DENND6A: variants seen among roughly 807,000 people sequenced by gnomAD.
The protein encoded by DENND6A is DENN domain containing 6A.
A neutral mutation model predicts 95.5 loss-of-function variants in DENND6A; 43 were observed. That is an observed-to-expected ratio of 0.45 (90% CI 0.35 to 0.58). The LOEUF is 0.58. DENND6A is among the 20% of genes least tolerant of loss of function. The pLI, the probability that DENND6A is intolerant of heterozygous loss-of-function variation, is 0.00. For synonymous variants in DENND6A, 257 were observed against 260.4 expected (o/e 0.99, Z 0.13); for missense variants, 574 against 736.0 (o/e 0.78, Z 2.55).
At chr3:57,682,236 G>T (rs1287513410) in intron 1 of DENND6A, among the ~76,000 whole-genome samples, 1 of 121,200 alleles carries the variant, frequency 8.3e-6, no homozygotes, top group Non-Finnish European at 1.6e-5. Context: ...AGCCAAGATT[G>T]CACCATTGCA....
chr3:57,662,747 C>G lies in DENND6A; in HGVS notation c.513+889G>C, dbSNP rs147000386. ...GTAACTTACTGTCAGGAATCTAGCA[C>G]AGAGAGCAAAAATTCAATAGAGGTT... On this transcript the variant is annotated intron_variant, in intron 5 of 19. Coordinates refer to ENST00000311128, the MANE Select transcript of DENND6A (RefSeq NM_152678.3). 1.4e-3 allele frequency among the ~76,000 whole-genome samples: 213 copies of G among 151,982 alleles called. 1 individual carries two copies. Among genetic ancestry groups the G allele is most frequent in the African/African-American group, 4.9e-3 (202 of 41,460 alleles).
chr3:57,649,642 AT>A (rs1020662738), intron 9 of DENND6A, among the ~76,000 whole-genome samples: 26 of 125,562 alleles, frequency 2.1e-4, no homozygotes, highest in Admixed American at 3.9e-4. Context: ...AAAAAAAAAA[AT>A]ATATATATAT....
intron 1 of DENND6A, among the ~76,000 whole-genome samples, chr3:57,691,289 T>G (rs1182218954): frequency 1.3e-5 from 2 of 152,232 alleles, no homozygotes; most frequent in African/African-American, 4.8e-5. Context: ...CTTTGGGAAC[T>G]GTTTTTCTTA....
In DENND6A at chr3:57,663,646, T is replaced by C. The variant is rs1213359536; in HGVS notation, c.503A>G (p.Tyr168Cys). ...GTGTATGACAATTACCTTCTGAAAG[T>C]AGCCTCTTTTTAGAGTTTTATCTCG... The part of the protein sequence containing the change: ...QVRDKTLKRG[Y>C]FQKSLVLISK... The change falls in exon 5 of 20, where the codon TAC (tyrosine) becomes TGC (cysteine). Residue 168 changes from tyrosine (Y) to cysteine (C), a missense_variant. By Grantham distance (194) the Tyr-to-Cys change is radical. Transcript: ENST00000311128. The C allele has an allele frequency of 6.3e-7, 1 of 1,596,758 alleles. No homozygotes were observed. The highest frequency in any genetic ancestry group is 1.7e-5 in the Admixed American group (1 of 57,220).
chr3:57,692,177 A>G (rs2077272675), intron 1 of DENND6A, among the ~76,000 whole-genome samples: 1 of 149,400 alleles, frequency 6.7e-6, no homozygotes, highest in Non-Finnish European at 1.5e-5. Context: ...GCGGTGAGCC[A>G]AGATCGCGCC....
At chr3:57,655,105 C>T (rs1489354556) in intron 9 of DENND6A, among the ~76,000 whole-genome samples, 3 of 151,702 alleles carry the variant, frequency 2.0e-5, no homozygotes, top group African/African-American at 4.8e-5. Context: ...ACGATCTCAG[C>T]TCACTGCAAC....
intron 1 of DENND6A, among the ~76,000 whole-genome samples, chr3:57,684,928 A>G (rs1486224605): frequency 6.6e-6 from 1 of 152,090 alleles, no homozygotes; most frequent in Non-Finnish European, 1.5e-5. Flanking sequence ...ACACAAAAAT[A>G]AAACAATTTA....
intron 12 of DENND6A, among the ~76,000 whole-genome samples, chr3:57,639,811 G>GT (rs2070884209): frequency 6.6e-6 from 1 of 152,080 alleles, no homozygotes; most frequent in Admixed American, 6.5e-5. Context: ...AAAAATTTCA[G>GT]TAAGACCGAG....
intron 17 of DENND6A, 92 bp downstream of exon 17, chr3:57,630,622 AT>A: frequency 6.5e-7 from 1 of 1,528,576 alleles, no homozygotes; most frequent in Non-Finnish European, 8.8e-7. Context: ...CTTTAGTAGA[AT>A]TTTTTAAAAA....
At chr3:57,658,405 C>T (rs1030745038) in intron 8 of DENND6A, among the ~76,000 whole-genome samples, 5 of 152,124 alleles carry the variant, frequency 3.3e-5, no homozygotes, top group East Asian at 3.9e-4. Flanking sequence ...TGGCATGCAC[C>T]GTAGTCCTAG....
At chr3:57,689,529 C>A (rs796532543) in intron 1 of DENND6A, among the ~76,000 whole-genome samples, 1 of 152,104 alleles carries the variant, frequency 6.6e-6, no homozygotes, top group African/African-American at 2.4e-5. Flanking sequence ...GCAGTCAACA[C>A]CTTGTTCAGT....
At chr3:57,680,954 T>G (rs2077158645) in intron 1 of DENND6A, among the ~76,000 whole-genome samples, 1 of 152,014 alleles carries the variant, frequency 6.6e-6, no homozygotes, top group Admixed American at 6.6e-5. Context: ...CCCTCATATA[T>G]CAGTAGTGGA....
intron 15 of DENND6A, among the ~76,000 whole-genome samples, chr3:57,631,548 G>A (rs1330303888): frequency 6.6e-6 from 1 of 151,954 alleles, no homozygotes; most frequent in Non-Finnish European, 1.5e-5. Flanking sequence ...CTATAGGCCA[G>A]ATAATGCACT....
At chr3:57,633,415 C>A in intron 14 of DENND6A, 61 bp from the exon 15 acceptor site, 1 of 1,330,980 alleles carries the variant, frequency 7.5e-7, no homozygotes, top group Non-Finnish European at 1.1e-6. Flanking sequence ...CAATGGATAA[C>A]TATCAGATTC....
At chr3:57,692,752 G>A in intron 1 of DENND6A, 30 bp downstream of exon 1, 1 of 1,429,162 alleles carries the variant, frequency 7.0e-7, no homozygotes, top group Non-Finnish European at 9.1e-7. Flanking sequence ...CAGGGGAGGA[G>A]CGCCGAGAAA....
chr3:57,634,881 G>T (rs1431342378), intron 12 of DENND6A, 112 bp from the exon 13 acceptor site: 7 of 872,414 alleles, frequency 8.0e-6, no homozygotes, highest in Non-Finnish European at 9.8e-6. Context: ...TATAATGAAA[G>T]GATTCTTAAC....
chr3:57,644,593 C>T lies in DENND6A; in HGVS notation c.1037+1068G>A, dbSNP rs1275413106. On this transcript the variant is annotated intron_variant, in intron 11 of 19. Coordinates refer to ENST00000311128, the MANE Select transcript of DENND6A (RefSeq NM_152678.3). ...AAAGTGCTGGGATTACAGGCATGGGCCATCACGACTGGCTGGTGATTAAAA... is the reference window on the plus strand; with the variant it reads ...AAAGTGCTGGGATTACAGGCATGGGTCATCACGACTGGCTGGTGATTAAAA... Among the ~76,000 whole-genome samples, 9 of 149,358 alleles carry T rather than the reference C, an allele frequency of 6.0e-5. No individual in the cohort carries two copies. The South Asian group carries it at 2.0e-3, about 32-fold the overall frequency.
chr3:57,648,032 G>T lies in DENND6A; in HGVS notation c.819-1594C>A, dbSNP rs189259026. 2.6e-5 allele frequency among the ~76,000 whole-genome samples: 4 copies of T among 152,168 alleles called. No homozygotes were observed. The East Asian group carries it at 5.8e-4, about 22-fold the overall frequency. On this transcript the variant is annotated intron_variant, in intron 9 of 19. Coordinates refer to ENST00000311128, the MANE Select transcript of DENND6A (RefSeq NM_152678.3). ...AGCCAGAGCAATCAGAGAAGAGAAA[G>T]AAATAAAGAGCATGCAAATTGGTAA...
At chr3:57,669,714 C>CA (rs1486710986) in intron 3 of DENND6A, among the ~76,000 whole-genome samples, 20 of 146,096 alleles carry the variant, frequency 1.4e-4, no homozygotes, top group African/African-American at 3.5e-4. Flanking sequence ...GACTCCATCT[C>CA]AAAAAAAAAG....
Sources: allele counts gnomAD v4.1 joint callset (sites outside exome capture counted in the v4.1 genomes callset), GRCh38; gene constraint gnomAD v4.1.1; transcripts MANE v1.5; gene names NCBI Gene and HGNC (gene_info 2026-07-23, HGNC 2026-07-21).